ANKEF1: variants seen among roughly 807,000 people sequenced by gnomAD.
ANKEF1 encodes the protein ankyrin repeat and EF-hand domain-containing protein 1.
Under a neutral mutation model 65.1 loss-of-function variants are expected in ANKEF1, and 43 were observed. The ratio of observed to expected loss-of-function variants is 0.66; its 90% CI spans 0.52 to 0.85. The LOEUF (loss-of-function observed/expected upper bound fraction) is 0.85, where lower values mean the gene tolerates loss of function less well. Ranked by LOEUF, ANKEF1 falls within the 40% of genes least tolerant of loss-of-function variation. The pLI is 0.00. For synonymous variants in ANKEF1, 316 were observed against 341.5 expected, an observed-to-expected ratio of 0.93 and a Z score of 0.82; for missense variants, 934 against 952.9, an observed-to-expected ratio of 0.98 and a Z score of 0.26.
At chr20:10,041,031 G>T (rs1984155815) in intron 3 of ANKEF1, among the ~76,000 whole-genome samples, 1 of 150,656 alleles carries the variant, frequency 6.6e-6, no homozygotes, top group Admixed American at 6.6e-5. Context: ...TTTAGGTTTT[G>T]ATTTTCATAT....
rs368321886 is a variant in ANKEF1 at position 10,035,250 on chromosome 20, A to C, written c.-192A>C. 1.3e-5 allele frequency: 2 copies of C among 152,484 alleles called. No individual in the cohort carries two copies. The highest frequency in any genetic ancestry group is 4.1e-4 in the South Asian group (2 of 4,838). 9.4% of individuals were successfully genotyped at this position (152,484 alleles called of 1,614,324 possible). On this transcript the variant is annotated 5_prime_UTR_variant, in exon 1 of 11. Coordinates refer to ENST00000378392, the MANE Select transcript of ANKEF1 (RefSeq NM_022096.6). Reference sequence around the variant, plus strand: ...GCGCTGAGCGTCAGAGGACGAGAGCAGGGGCCTCCCCGGTCGCCCCAGCAG... The same window carrying C: ...GCGCTGAGCGTCAGAGGACGAGAGCCGGGGCCTCCCCGGTCGCCCCAGCAG...
intron 5 of ANKEF1, 61 bp downstream of exon 5, chr20:10,044,604 A>T (rs113745295): frequency 6.3e-7 from 1 of 1,584,126 alleles, no homozygotes. Context: ...TTTTTCTCAA[A>T]TTTTTTTATA....
rs752568812 is a variant in ANKEF1 at position 10,057,392 on chromosome 20, T to A, written c.*1732T>A. ...GTAAGGTTTTGGTTGGTTTTTTTGT[T>A]CTCTCTTTTCTTTTTGTTTTGACAT... is the stretch of plus-strand genomic sequence containing the variant. On this transcript the variant is annotated 3_prime_UTR_variant, in exon 11 of 11. Coordinates refer to ENST00000378392, the MANE Select transcript of ANKEF1 (RefSeq NM_022096.6). The A allele has an allele frequency of 6.6e-6, 1 of 152,216 alleles. No individual in the cohort carries two copies. The highest frequency in any genetic ancestry group is 1.5e-5 in the Non-Finnish European group (1 of 68,044). The allele number at this position is 152,216 out of a possible 1,614,324, so 9.4% of individuals were successfully genotyped here. A position where few individuals can be genotyped will look rare whatever the true frequency, so the allele number is the denominator to read the frequency against.
chr20:10,048,282 AT>A (rs1984637802), intron 6 of ANKEF1, among the ~76,000 whole-genome samples: 1 of 148,778 alleles, frequency 6.7e-6, no homozygotes, highest in Non-Finnish European at 1.5e-5. Flanking sequence ...TTTACTTTTT[AT>A]TTTTTTGATA....
chr20:10,043,787 T>C (rs1319936977), intron 4 of ANKEF1, among the ~76,000 whole-genome samples: 3 of 151,212 alleles, frequency 2.0e-5, no homozygotes, highest in Non-Finnish European at 2.9e-5. Context: ...GCCTCCCGAG[T>C]AGCTGGGATT....
At chr20:10,036,417 C>G (rs751233495) in intron 2 of ANKEF1, among the ~76,000 whole-genome samples, 2 of 152,028 alleles carry the variant, frequency 1.3e-5, no homozygotes, top group African/African-American at 4.8e-5. Flanking sequence ...GGAATATGGC[C>G]GATAATAATA....
chr20:10,055,392 A>G (rs901124657), intron 10 of ANKEF1, 110 bp from the exon 11 acceptor site: 17 of 1,013,038 alleles, frequency 1.7e-5, no homozygotes, highest in African/African-American at 1.6e-4. Context: ...AGTTAAAACT[A>G]TAAACAAATT....
chr20:10,038,391 G>A lies in ANKEF1; in HGVS notation c.90G>A (p.Lys30=). ...VRNKDKKQIE[K]LTKLGYPELI... is the part of the protein sequence containing the mutation. The stretch of plus-strand genomic sequence containing the variant: ...ACAAAGACAAGAAGCAGATAGAGAA[G>A]CTGACCAAGCTTGGATACCCTGAAC... Residue 30 remains lysine (K), a synonymous_variant, in exon 3 of 11, where the codon AAG becomes AAA. Coordinates refer to ENST00000378392, the MANE Select transcript of ANKEF1 (RefSeq NM_022096.6). 1 of 1,613,824 alleles carries A rather than the reference G, an allele frequency of 6.2e-7. No homozygotes were observed. Among genetic ancestry groups the A allele is most frequent in the Non-Finnish European group, 8.5e-7 (1 of 1,179,756 alleles).
chr20:10,055,628 G>T lies in ANKEF1; in HGVS notation c.2299G>T (p.Ala767Ser). Residue 767 changes from alanine to serine, a missense_variant, in exon 11 of 11, where the codon GCT (alanine) becomes TCT (serine). Coordinates refer to ENST00000378392, the MANE Select transcript of ANKEF1 (RefSeq NM_022096.6). ...MPFQKNITEK[A>S]RALEAALKT is the part of the protein sequence containing the mutation. Reference sequence around the variant, plus strand: ...TTTTCAGAAGAACATCACAGAGAAAGCTCGAGCACTGGAAGCTGCCTTGAA... The same window carrying T: ...TTTTCAGAAGAACATCACAGAGAAATCTCGAGCACTGGAAGCTGCCTTGAA... 1 of 1,613,802 alleles carries T rather than the reference G, an allele frequency of 6.2e-7. No homozygotes were observed. The highest frequency in any genetic ancestry group is 2.2e-5 in the East Asian group (1 of 44,860).
Position 10,036,514 on chromosome 20 carries a change from G to A in ANKEF1, c.-45+872G>A, listed in dbSNP as rs141758831. Among the ~76,000 whole-genome samples the A allele has an allele frequency of 7.6e-3, 1,155 of 152,304 alleles. 13 individuals are homozygous for A. Among genetic ancestry groups the A allele is most frequent in the African/African-American group, 0.027 (1,123 of 41,568 alleles). On this transcript the variant is annotated intron_variant, in intron 2 of 10. Coordinates refer to ENST00000378392, the MANE Select transcript of ANKEF1 (RefSeq NM_022096.6). ...GATGACTCTGAGGCAGCCTCAGTTG[G>A]TTCCCTAGTCCACCGCATGTTATAA...
rs751857877 is a variant in ANKEF1, at chr20:10,050,182, T to A, written c.1613T>A (p.Ile538Lys). ...ATGACGGCGTGTGCAAGTGGAAACA[T>A]AGATGTGGTCAAGTTTCTTCTTGAA... ...PLMTACASGN[I>K]DVVKFLLEKG... The change falls in exon 7 of 11, where the codon ATA (isoleucine) becomes AAA (lysine). Residue 538 changes from isoleucine (I) to lysine (K), a missense_variant. By Grantham distance (102) the Ile-to-Lys change is moderately radical. Coordinates refer to ENST00000378392, the MANE Select transcript of ANKEF1 (RefSeq NM_022096.6). 1.9e-6 allele frequency: 3 copies of A among 1,612,488 alleles called. No individual in the cohort carries two copies.
intron 2 of ANKEF1, among the ~76,000 whole-genome samples, chr20:10,037,602 A>G (rs1343031875): frequency 6.6e-6 from 1 of 152,212 alleles, no homozygotes; most frequent in Non-Finnish European, 1.5e-5. Context: ...TCTCATAAGA[A>G]ATGAAGAAAC....
intron 4 of ANKEF1, 25 bp downstream of exon 4, chr20:10,043,346 A>G (rs994139913): frequency 5.0e-6 from 8 of 1,602,532 alleles, no homozygotes; most frequent in East Asian, 4.5e-5. Context: ...GTGATTACAA[A>G]TATTTCTTGT....
intron 4 of ANKEF1, 102 bp downstream of exon 4, chr20:10,043,423 T>C: frequency 9.2e-7 from 1 of 1,082,126 alleles, no homozygotes; most frequent in South Asian, 1.5e-5. Context: ...GCTGATAGAC[T>C]GTTCATTTTG....
At chr20:10,040,637 A>C (rs1984129070) in intron 3 of ANKEF1, 2 of 152,214 alleles carry the variant, frequency 1.3e-5, no homozygotes, top group African/African-American at 4.8e-5. Context: ...ATGTGTACTC[A>C]GTCCTCAATG....
intron 7 of ANKEF1, among the ~76,000 whole-genome samples, chr20:10,051,210 C>T (rs1278141971): frequency 6.6e-6 from 1 of 151,996 alleles, no homozygotes; most frequent in Non-Finnish European, 1.5e-5. Context: ...AAGAAAGACT[C>T]AAATTTGTAT....
intron 2 of ANKEF1, 90 bp from the exon 3 acceptor site, chr20:10,038,168 G>T: frequency 1.9e-6 from 1 of 533,474 alleles, no homozygotes; most frequent in African/African-American, 1.9e-5. Context: ...AACAATCTCT[G>T]TTCTTAAGGA....
chr20:10,042,842 A>C (rs1234195350), intron 3 of ANKEF1, among the ~76,000 whole-genome samples: 1 of 152,214 alleles, frequency 6.6e-6, no homozygotes, highest in Non-Finnish European at 1.5e-5. Context: ...GTATTGCAAG[A>C]TGCCAAATAC....
Position 10,049,822 on chromosome 20 carries a change from A to G in ANKEF1, c.1253A>G (p.Lys418Arg). The G allele has an allele frequency of 6.2e-7, 1 of 1,614,192 alleles. No individual in the cohort carries two copies. The highest frequency in any genetic ancestry group is 8.5e-7 in the Non-Finnish European group (1 of 1,180,024). The change falls in exon 7 of 11, where the codon AAA becomes AGA. Residue 418 changes from lysine (K) to arginine (R), a missense_variant. By Grantham distance (26) the Lys-to-Arg change is conservative. Coordinates refer to ENST00000378392, the MANE Select transcript of ANKEF1 (RefSeq NM_022096.6). ...TCGTATGGACCTAAGAAAAAGGAAA[A>G]AGGGATGGGCAAAAAAGGAAAGAAA... ...LGSYGPKKKE[K>R]GMGKKGKKGK...
Sources: allele counts gnomAD v4.1 joint callset (sites outside exome capture counted in the v4.1 genomes callset), GRCh38; gene constraint gnomAD v4.1.1; transcripts MANE v1.5; gene names NCBI Gene and HGNC (gene_info 2026-07-23, HGNC 2026-07-21).